TIMP2: variants seen among roughly 807,000 people sequenced by gnomAD.
TIMP2 encodes the protein TIMP metallopeptidase inhibitor 2.
TIMP2 carries 5 observed loss-of-function variants against 24.3 expected under a neutral mutation model. The observed-to-expected ratio is 0.21, with a 90% CI of 0.11 to 0.43. TIMP2 has a LOEUF of 0.43. Ranked by LOEUF, TIMP2 falls within the 20% of genes least tolerant of loss-of-function variation. The pLI, the probability that TIMP2 is intolerant of heterozygous loss-of-function variation, is 1.00. For missense variants in TIMP2, 221 were observed against 297.5 expected, an observed-to-expected ratio of 0.74 and a Z score of 1.89; for synonymous variants, 130 against 123.2, an observed-to-expected ratio of 1.06 and a Z score of -0.37.
intron 1 of TIMP2, among the ~76,000 whole-genome samples, chr17:78,876,516 T>C (rs901022821): frequency 6.6e-6 from 1 of 151,920 alleles, no homozygotes; most frequent in African/African-American, 2.4e-5. Flanking sequence ...CCTGGCTAAT[T>C]ACCATATATA....
chr17:78,871,572 C>T (rs756993752), intron 2 of TIMP2, among the ~76,000 whole-genome samples: 1 of 151,650 alleles, frequency 6.6e-6, no homozygotes, highest in Non-Finnish European at 1.5e-5. Context: ...CTGTGCCGGG[C>T]GAAGTGGCTC....
At chr17:78,923,412 A>AGGGGGG (rs2070324055) in intron 1 of TIMP2, among the ~76,000 whole-genome samples, 1 of 9,840 alleles carries the variant, frequency 1.0e-4, no homozygotes, top group Non-Finnish European at 2.1e-4. Context: ...GGGGGGCGGG[A>AGGGGGG]GGGGGAGGGG....
chr17:78,880,521 T>TA, intron 1 of TIMP2, among the ~76,000 whole-genome samples: 1 of 130,250 alleles, frequency 7.7e-6, no homozygotes, highest in South Asian at 2.4e-4. Flanking sequence ...ACCTCATCTA[T>TA]AAAAAACAAA....
At chr17:78,901,146 A>T (rs773768669) in intron 1 of TIMP2, 1 of 152,852 alleles carries the variant, frequency 6.5e-6, no homozygotes, top group African/African-American at 2.4e-5. Flanking sequence ...AGGGCTCAGG[A>T]AATGCCGAGA....
intron 1 of TIMP2, chr17:78,903,202 A>G (rs898787857): frequency 6.6e-6 from 1 of 152,392 alleles, no homozygotes; most frequent in Admixed American, 6.5e-5. Flanking sequence ...GGCTACTCAT[A>G]GCAGGCTGTT....
intron 1 of TIMP2, among the ~76,000 whole-genome samples, chr17:78,889,578 C>T (rs867102367): frequency 1.8e-4 from 28 of 152,306 alleles, no homozygotes; most frequent in Middle Eastern, 6.8e-3. Context: ...AAATTGTGCC[C>T]GTCTGACCTT....
At position 78,891,871 on chromosome 17, in the gene TIMP2, A is replaced by G; in HGVS notation, c.131-17952T>C. ...GCGGGGCCAGGTGAGAATTCATCCG[A>G]CCCGTGGCTTTTGTAGTCTGTGGTT... On this transcript the variant is annotated intron_variant, in intron 1 of 4. Transcript: ENST00000262768. This position sits in a 1 kb window ranked among gnomAD's most constrained non-coding sequence, Gnocchi z 4.5. 6.5e-7 allele frequency: 1 copy of G among 1,550,260 alleles called. No individual in the cohort carries two copies. Among genetic ancestry groups the G allele is most frequent in the Non-Finnish European group, 8.7e-7 (1 of 1,146,912 alleles).
intron 1 of TIMP2, among the ~76,000 whole-genome samples, chr17:78,893,583 G>C (rs2145774173): frequency 6.6e-6 from 1 of 152,108 alleles, no homozygotes; most frequent in East Asian, 1.9e-4. Flanking sequence ...GTGTACAGGT[G>C]TGTGTATGTA....
chr17:78,856,032 C>T (rs1171159884), intron 4 of TIMP2, 168 bp from the exon 5 acceptor site: 8 of 677,612 alleles, frequency 1.2e-5, no homozygotes, highest in East Asian at 2.7e-5. Flanking sequence ...AGCTGGCCTG[C>T]GAGGGGGTCT....
rs748791089 is a variant in TIMP2 at position 78,873,935 on chromosome 17, C to T, written c.131-16G>A. 4 of 1,611,260 alleles carry T rather than the reference C, an allele frequency of 2.5e-6. No individual in the cohort carries two copies. The African/African-American group carries it at 4.0e-5, about 16-fold the overall frequency. On this transcript the variant is annotated splice_polypyrimidine_tract_variant and intron_variant, in intron 1 of 4. Transcript: ENST00000262768. ...GCCCTGATCACTGCAAAACACAAGA[C>T]ACAGAGGTGAGGAGAGTTCCTGAAA...
chr17:78,909,529 A>G (rs1394469048), intron 1 of TIMP2, among the ~76,000 whole-genome samples: 1 of 149,252 alleles, frequency 6.7e-6, no homozygotes, highest in Non-Finnish European at 1.5e-5. Context: ...TCACTGAAGC[A>G]CCCCGTACCC....
Position 78,891,595 on chromosome 17 carries a change from C to A in TIMP2, c.131-17676G>T. ...ACAGCTGCCCGAGGTCTCTCAGCTT[C>A]CCCTCCAGACTCTGTCCCTGAGAGC... On this transcript the variant is annotated intron_variant, in intron 1 of 4. Coordinates refer to ENST00000262768, the MANE Select transcript of TIMP2 (RefSeq NM_003255.5). The surrounding 1 kb of genome is among the most constrained non-coding windows in gnomAD (Gnocchi z 4.5). 6.4e-7 allele frequency: 1 copy of A among 1,550,898 alleles called. No individual in the cohort carries two copies. Among genetic ancestry groups the A allele is most frequent in the Non-Finnish European group, 8.7e-7 (1 of 1,147,068 alleles).
chr17:78,873,911 C>T lies in TIMP2; in HGVS notation c.139G>A (p.Ala47Thr), dbSNP rs755731698. Residue 47 changes from alanine (A) to threonine (T), a missense_variant, in exon 2 of 5, where the codon GCC (alanine) becomes ACC (threonine). Coordinates refer to ENST00000262768, the MANE Select transcript of TIMP2 (RefSeq NM_003255.5). Reference sequence around the variant, plus strand: ...ACTTCCTTCTCACTGACCGCTTTGGCCCTGATCACTGCAAAACACAAGACA... The same window carrying T: ...ACTTCCTTCTCACTGACCGCTTTGGTCCTGATCACTGCAAAACACAAGACA... ...AFCNADVVIR[A>T]KAVSEKEVDS... is the part of the protein sequence containing the mutation. The T allele has an allele frequency of 2.5e-6, 4 of 1,613,086 alleles. No homozygotes were observed. The highest frequency in any genetic ancestry group is 1.7e-5 in the Admixed American group (1 of 59,990).
chr17:78,903,176 G>A (rs1012571042), intron 1 of TIMP2: 5 of 152,530 alleles, frequency 3.3e-5, no homozygotes, highest in African/African-American at 7.2e-5. Context: ...CCTGCAGCCC[G>A]GCCTCTGCCC....
At position 78,901,705 on chromosome 17, in the gene TIMP2, C is replaced by T. The variant is rs958675047; in HGVS notation, c.130+23254G>A. ...TTTAGGATGGGGATGATAACAACAG[C>T]AGCACCCATCTACAGAGATGCCAGT... is the stretch of plus-strand genomic sequence containing the variant. On this transcript the variant is annotated intron_variant, in intron 1 of 4. Transcript: ENST00000262768. The T allele has an allele frequency of 8.7e-5, 62 of 716,730 alleles. No homozygotes were observed. The East Asian group carries it at 1.7e-3, about 19-fold the overall frequency. 44.4% of individuals were successfully genotyped at this position (716,730 alleles called of 1,614,324 possible).
At chr17:78,911,862 A>G (rs916304621) in intron 1 of TIMP2, among the ~76,000 whole-genome samples, 5 of 147,818 alleles carry the variant, frequency 3.4e-5, no homozygotes, top group African/African-American at 1.3e-4. Flanking sequence ...CCAGGCCAAC[A>G]TGGTGAAACC....
chr17:78,877,448 C>T (rs746956378), intron 1 of TIMP2, among the ~76,000 whole-genome samples: 1 of 152,004 alleles, frequency 6.6e-6, no homozygotes, highest in Non-Finnish European at 1.5e-5. Flanking sequence ...ACTTGGGAGG[C>T]TGAGGCAGGA....
chr17:78,921,297 G>A (rs1267896168), intron 1 of TIMP2, among the ~76,000 whole-genome samples: 1 of 147,140 alleles, frequency 6.8e-6, no homozygotes, highest in African/African-American at 2.5e-5. Context: ...CCCCTCTCTA[G>A]CTGGAGCTGG....
intron 1 of TIMP2, among the ~76,000 whole-genome samples, chr17:78,919,183 G>A (rs1481530806): frequency 2.6e-5 from 4 of 152,238 alleles, no homozygotes; most frequent in African/African-American, 7.2e-5. Context: ...GGAGTTAGGC[G>A]GCTGCCTTCT....
Sources: allele counts gnomAD v4.1 joint callset (sites outside exome capture counted in the v4.1 genomes callset), GRCh38; gene constraint gnomAD v4.1.1; non-coding constraint Gnocchi (gnomAD v3.1); transcripts MANE v1.5; gene names NCBI Gene and HGNC (gene_info 2026-07-23, HGNC 2026-07-21).